Variants in ARL6IP6 observed in about 807,000 individuals in gnomAD.
ARL6IP6 encodes ADP-ribosylation factor-like protein 6-interacting protein 6.
In ARL6IP6, 22 loss-of-function variants were observed where a neutral mutation model predicts 21.5. The observed-to-expected ratio is 1.02, with a 90% CI of 0.73 to 1.46. The LOEUF (loss-of-function observed/expected upper bound fraction) is 1.46. Ranked by LOEUF, ARL6IP6 falls within the 40% of genes most tolerant of loss-of-function variation. The probability of loss-of-function intolerance (pLI) is 0.00; values close to 1 mark genes in which losing one functional copy is unlikely to be tolerated. For synonymous variants in ARL6IP6, 164 were observed against 125.3 expected (o/e 1.31, Z -2.06); for missense variants, 388 against 299.8 (o/e 1.29, Z -2.17).
At position 152,720,515 on chromosome 2, in the gene ARL6IP6, C is replaced by T; in HGVS notation, c.401-18C>T. On this transcript the variant is annotated intron_variant, in intron 1 of 3. Transcript: ENST00000326446. ...TATAGTATTGCTTTCCTACCTAAGT[C>T]CCTCTTTGTATTTGCAGAGTTGCAT... The T allele has an allele frequency of 6.2e-7, 1 of 1,611,164 alleles. No individual in the cohort carries two copies.
At chr2:152,744,212 T>C (rs1187961722) in intron 3 of ARL6IP6, among the ~76,000 whole-genome samples, 1 of 152,172 alleles carries the variant, frequency 6.6e-6, no homozygotes, top group African/African-American at 2.4e-5. Flanking sequence ...ATCTCACAGA[T>C]AGTCATTTTG....
intron 3 of ARL6IP6, among the ~76,000 whole-genome samples, chr2:152,746,711 G>A (rs936214639): frequency 6.6e-6 from 1 of 151,604 alleles, no homozygotes; most frequent in Non-Finnish European, 1.5e-5. Context: ...TAGTGTCAGA[G>A]GTTTTCTTTT....
At chr2:152,724,036 A>G (rs764325966) in intron 2 of ARL6IP6, among the ~76,000 whole-genome samples, 6 of 150,880 alleles carry the variant, frequency 4.0e-5, no homozygotes, top group Non-Finnish European at 8.8e-5. Context: ...AGTCACAAAT[A>G]TCCTATTCTA....
Position 152,760,880 on chromosome 2 carries a change from T to G in ARL6IP6, c.*1040T>G. On this transcript the variant is annotated 3_prime_UTR_variant, in exon 4 of 4. Transcript: ENST00000326446. ...AAAACTACATATAGTTAATATAATT[T>G]TATAATTTTTGTAATTAAATGTGCT... The G allele has an allele frequency of 6.6e-6, 1 of 152,072 alleles. No homozygotes were observed. 9.4% of individuals were successfully genotyped at this position (152,072 alleles called of 1,614,324 possible).
intron 2 of ARL6IP6, chr2:152,732,599 T>A (rs1468761727): frequency 2.3e-6 from 1 of 440,504 alleles, no homozygotes; most frequent in Non-Finnish European, 4.6e-6. Flanking sequence ...TATTTAAAAA[T>A]TTTTTGTCAT....
intron 2 of ARL6IP6, among the ~76,000 whole-genome samples, chr2:152,723,035 C>A (rs1699866443): frequency 6.6e-6 from 1 of 152,274 alleles, no homozygotes; most frequent in East Asian, 1.9e-4. Context: ...GACTCCTGTC[C>A]TCTGGTTAAA....
At chr2:152,717,670 C>T (rs1443021131), upstream of ARL6IP6, 9 of 1,417,890 alleles carry the variant, frequency 6.3e-6, no homozygotes, top group African/African-American at 1.3e-4. Context: ...AGTTTCTGCG[C>T]CGAGTCCTCC....
rs527879994 is a variant in ARL6IP6 at position 152,761,987 on chromosome 2, A to T, written c.*2147A>T. Among the ~76,000 whole-genome samples, 6 of 152,288 alleles carry T rather than the reference A, an allele frequency of 3.9e-5. No individual in the cohort carries two copies. In the South Asian group the frequency reaches 6.2e-4, roughly 16 times the overall value. On this transcript the variant is annotated 3_prime_UTR_variant, in exon 4 of 4. Transcript: ENST00000326446. Reference sequence around the variant, plus strand: ...TTTTGTGGAATCCTAATTCTTCTGGACTGTTACTCCCCTTTTTTGGGAAAT... The same window carrying T: ...TTTTGTGGAATCCTAATTCTTCTGGTCTGTTACTCCCCTTTTTTGGGAAAT...
At chr2:152,722,500 G>A (rs912488408) in intron 2 of ARL6IP6, among the ~76,000 whole-genome samples, 43 of 152,182 alleles carry the variant, frequency 2.8e-4, no homozygotes, top group Middle Eastern at 3.2e-3. Flanking sequence ...AGTTATAGCA[G>A]ATGTATGTAT....
intron 3 of ARL6IP6, among the ~76,000 whole-genome samples, chr2:152,749,863 A>G (rs1354622851): frequency 1.3e-5 from 2 of 152,266 alleles, no homozygotes; most frequent in Admixed American, 6.5e-5. Flanking sequence ...CTTTCAGGAT[A>G]TGGAAGTAGA....
chr2:152,734,201 A>G (rs886989201), intron 2 of ARL6IP6, among the ~76,000 whole-genome samples: 12 of 152,080 alleles, frequency 7.9e-5, no homozygotes, highest in African/African-American at 2.9e-4. Flanking sequence ...GTCCATTATA[A>G]TATTGTTCTT....
At chr2:152,723,800 T>TC (rs1699903990) in intron 2 of ARL6IP6, among the ~76,000 whole-genome samples, 1 of 151,746 alleles carries the variant, frequency 6.6e-6, no homozygotes, top group East Asian at 1.9e-4. Context: ...TTAGAAGTGT[T>TC]AAAAAAAGTC....
chr2:152,739,624 A>G (rs1160348086), intron 3 of ARL6IP6, among the ~76,000 whole-genome samples: 2 of 151,984 alleles, frequency 1.3e-5, no homozygotes, highest in South Asian at 2.1e-4. Context: ...CCTCCAAACT[A>G]TTTCAACCTC....
rs1231566187 is a variant in ARL6IP6 at position 152,748,015 on chromosome 2, A to G, written c.588-11732A>G. On this transcript the variant is annotated intron_variant, in intron 3 of 3. Transcript: ENST00000326446. ...CGCATCCAGCCCTACTAATTTCTCT[A>G]TCTCCTGTATGTAATTTAATACCTG... 2.6e-5 allele frequency among the ~76,000 whole-genome samples: 4 copies of G among 152,096 alleles called. No individual in the cohort carries two copies. The East Asian group carries it at 5.8e-4, about 22-fold the overall frequency.
intron 2 of ARL6IP6, among the ~76,000 whole-genome samples, chr2:152,721,828 A>G (rs893390437): frequency 6.6e-6 from 1 of 152,250 alleles, no homozygotes; most frequent in South Asian, 2.1e-4. Context: ...TCAAATTGCA[A>G]AGAAGTTGGT....
chr2:152,718,522 A>C, upstream of ARL6IP6: 5 of 1,459,750 alleles, frequency 3.4e-6, no homozygotes, highest in Non-Finnish European at 3.6e-6. Context: ...CTGGGCTCTG[A>C]GGCCTGGTGG....
chr2:152,732,643 A>G (rs1199901752), intron 2 of ARL6IP6: 2 of 417,868 alleles, frequency 4.8e-6, no homozygotes, highest in East Asian at 7.4e-5. Context: ...ATGCATATAT[A>G]GTAATATGTG....
At chr2:152,752,002 T>C (rs1701355260) in intron 3 of ARL6IP6, among the ~76,000 whole-genome samples, 1 of 152,230 alleles carries the variant, frequency 6.6e-6, no homozygotes, top group African/African-American at 2.4e-5. Context: ...CATGTTAGAC[T>C]ATTACACAGA....
chr2:152,732,432 T>G (rs778269490), intron 2 of ARL6IP6: 1 of 350,088 alleles, frequency 2.9e-6, no homozygotes, highest in Non-Finnish European at 5.8e-6. Context: ...GAATTGAGCA[T>G]CTGTTCATGT....
Sources: allele counts gnomAD v4.1 joint callset (sites outside exome capture counted in the v4.1 genomes callset), GRCh38; gene constraint gnomAD v4.1.1; transcripts MANE v1.5; gene names NCBI Gene and HGNC (gene_info 2026-07-23, HGNC 2026-07-21).